STXBP5L: variants seen among roughly 807,000 people sequenced by gnomAD.
The protein encoded by STXBP5L is syntaxin-binding protein 5-like.
Under a neutral mutation model 144.5 loss-of-function variants are expected in STXBP5L, and 65 were observed. That is an observed-to-expected ratio of 0.45 (90% CI 0.37 to 0.55). The LOEUF (loss-of-function observed/expected upper bound fraction) is 0.55, where lower values mean the gene tolerates loss of function less well. Ranked by LOEUF, STXBP5L falls within the 20% of genes least tolerant of loss-of-function variation. The probability of loss-of-function intolerance (pLI) is 0.00; values close to 1 mark genes in which losing one functional copy is unlikely to be tolerated. For synonymous variants in STXBP5L, 505 were observed against 469.6 expected, an observed-to-expected ratio of 1.08 and a Z score of -0.97; for missense variants, 1,298 against 1,405.5, an observed-to-expected ratio of 0.92 and a Z score of 1.22.
At chr3:121,291,055 C>G (rs1173958437) in intron 19 of STXBP5L, among the ~76,000 whole-genome samples, 1 of 151,922 alleles carries the variant, frequency 6.6e-6, no homozygotes, top group Non-Finnish European at 1.5e-5. Context: ...GCCAGAGCAA[C>G]CAGACAAGAG....
intron 5 of STXBP5L, 58 bp from the exon 6 acceptor site, chr3:121,114,867 T>A: frequency 8.0e-7 from 1 of 1,249,374 alleles, no homozygotes; most frequent in Non-Finnish European, 1.1e-6. Context: ...GTAAGGAAAA[T>A]ATAATGCTGA....
Position 120,908,256 on chromosome 3 carries a change from C to A in STXBP5L, c.-87C>A, listed in dbSNP as rs1404203262. ...CGCCAGGCGCCGCGACCAGAGGGCC[C>A]AGAGAAGCGGCCGGAGCCCGCCTAC... On this transcript the variant is annotated 5_prime_UTR_variant, in exon 1 of 27. Transcript: ENST00000471454. The A allele has an allele frequency of 6.6e-6, 1 of 152,364 alleles. No individual in the cohort carries two copies. Among genetic ancestry groups the A allele is most frequent in the Non-Finnish European group, 1.5e-5 (1 of 68,144 alleles). 9.4% of individuals were successfully genotyped at this position (152,364 alleles called of 1,614,324 possible).
chr3:121,182,676 C>T (rs1305847482), intron 9 of STXBP5L, among the ~76,000 whole-genome samples: 3 of 151,832 alleles, frequency 2.0e-5, no homozygotes, highest in African/African-American at 7.3e-5. Context: ...GAAATTGAAA[C>T]AAAAAATATG....
intron 4 of STXBP5L, among the ~76,000 whole-genome samples, chr3:121,044,262 C>G (rs985547694): frequency 6.6e-6 from 1 of 151,982 alleles, no homozygotes; most frequent in African/African-American, 2.4e-5. Flanking sequence ...TTTTATAAAG[C>G]CATTCCTCTC....
At chr3:121,208,119 G>C (rs1332476335) in intron 10 of STXBP5L, among the ~76,000 whole-genome samples, 2 of 152,274 alleles carry the variant, frequency 1.3e-5, no homozygotes, top group East Asian at 3.9e-4. Flanking sequence ...TTAAGAAAAT[G>C]TGGCACATAT....
At chr3:120,973,557 A>G (rs1940534837) in intron 3 of STXBP5L, among the ~76,000 whole-genome samples, 1 of 151,732 alleles carries the variant, frequency 6.6e-6, no homozygotes, top group African/African-American at 2.4e-5. Context: ...ATATTTTTTT[A>G]TTATACTTTA....
chr3:121,185,052 G>A lies in STXBP5L; in HGVS notation c.878-20871G>A, dbSNP rs556028485. Among the ~76,000 whole-genome samples the A allele has an allele frequency of 5.3e-5, 8 of 152,274 alleles. 1 individual carries two copies. The South Asian group carries it at 1.5e-3, about 28-fold the overall frequency. Reference sequence around the variant, plus strand: ...CCAGGCCTGCTTTACAAGAGCTCCTGAAAGAAGCACTGAACATGGAAAGGA... The same window carrying A: ...CCAGGCCTGCTTTACAAGAGCTCCTAAAAGAAGCACTGAACATGGAAAGGA... On this transcript the variant is annotated intron_variant, in intron 9 of 26. Transcript: ENST00000471454.
At chr3:121,410,338 T>C (rs567324337) in intron 23 of STXBP5L, among the ~76,000 whole-genome samples, 1 of 152,122 alleles carries the variant, frequency 6.6e-6, no homozygotes, top group African/African-American at 2.4e-5. Context: ...ATAGTAGAAA[T>C]TCTTCATGTG....
intron 3 of STXBP5L, among the ~76,000 whole-genome samples, chr3:121,039,394 G>C (rs1046307438): frequency 6.6e-6 from 1 of 151,462 alleles, no homozygotes; most frequent in African/African-American, 2.4e-5. Context: ...ATTGGCCTTT[G>C]TGTTATTGTT....
At chr3:121,377,905 G>C (rs150848700) in intron 20 of STXBP5L, among the ~76,000 whole-genome samples, 69 of 152,252 alleles carry the variant, frequency 4.5e-4, no homozygotes, top group African/African-American at 1.7e-3. Context: ...CAATAGCAAA[G>C]ACTTGGAACC....
At chr3:121,342,089 G>A (rs1052283756) in intron 20 of STXBP5L, among the ~76,000 whole-genome samples, 2 of 151,786 alleles carry the variant, frequency 1.3e-5, no homozygotes, top group Non-Finnish European at 1.5e-5. Context: ...ATCAATATAT[G>A]TCATGTACCC....
In STXBP5L at chr3:120,982,327, A is replaced by C. The variant is rs1161625035; in HGVS notation, c.287+27290A>C. Among the ~76,000 whole-genome samples the C allele has an allele frequency of 2.0e-5, 3 of 152,194 alleles. No homozygotes were observed. The East Asian group carries it at 5.8e-4, about 29-fold the overall frequency. ...GGGACAAAGCTGGGTGGAACTGGAC[A>C]TCCAAGCTCACCCATGAATACCCTA... On this transcript the variant is annotated intron_variant, in intron 3 of 26. Transcript: ENST00000471454.
At chr3:120,910,754 T>G (rs1708792727) in intron 2 of STXBP5L, among the ~76,000 whole-genome samples, 1 of 152,164 alleles carries the variant, frequency 6.6e-6, no homozygotes, top group Admixed American at 6.5e-5. Flanking sequence ...ATGAGGTATA[T>G]TTCAATCACT....
intron 19 of STXBP5L, among the ~76,000 whole-genome samples, chr3:121,316,004 A>G (rs2043775347): frequency 6.6e-6 from 1 of 151,878 alleles, no homozygotes. Flanking sequence ...CTGTCTCAAA[A>G]AAAAAAAAAG....
At chr3:121,281,235 G>A (rs1267608311) in intron 19 of STXBP5L, among the ~76,000 whole-genome samples, 1 of 151,728 alleles carries the variant, frequency 6.6e-6, no homozygotes. Context: ...CCCTTTTGAG[G>A]GGCACAAAAT....
At chr3:121,210,812 C>G (rs1327318527) in intron 10 of STXBP5L, among the ~76,000 whole-genome samples, 2 of 152,078 alleles carry the variant, frequency 1.3e-5, no homozygotes, top group South Asian at 2.1e-4. Flanking sequence ...GTACTAGTAC[C>G]ATGCTGTTTT....
intron 5 of STXBP5L, among the ~76,000 whole-genome samples, chr3:121,077,217 A>G (rs1323586655): frequency 6.6e-6 from 1 of 152,180 alleles, no homozygotes; most frequent in Admixed American, 6.5e-5. Flanking sequence ...AAAACAGAAA[A>G]TCTTCTGTCT....
intron 3 of STXBP5L, among the ~76,000 whole-genome samples, chr3:121,005,476 A>G (rs979759633): frequency 2.0e-5 from 3 of 152,040 alleles, no homozygotes; most frequent in African/African-American, 4.8e-5. Context: ...CGGTCTATCA[A>G]TTTTGTTGAT....
rs549352769 is a variant in STXBP5L at position 121,021,739 on chromosome 3, C to G, written c.288-19961C>G. ...GAACAATAGTAGTGACACAACCTAT[C>G]AAATCTCCTGGAATACAGCAAAGCT... On this transcript the variant is annotated intron_variant, in intron 3 of 26. Transcript: ENST00000471454. Among the ~76,000 whole-genome samples, 4 of 152,214 alleles carry G rather than the reference C, an allele frequency of 2.6e-5. No homozygotes were observed. The South Asian group carries it at 8.3e-4, about 32-fold the overall frequency.
Sources: gnomAD v4.1 joint callset for allele counts (sites outside exome capture counted in the v4.1 genomes callset) on GRCh38, gnomAD v4.1.1 for gene constraint, MANE v1.5 for transcripts, NCBI Gene and HGNC (gene_info 2026-07-23, HGNC 2026-07-21) for gene names.